The following RASGRP1 variants were observed in gnomAD, a reference collection of about 807,000 sequenced individuals.
RASGRP1 encodes the protein RAS guanyl releasing protein 1.
In RASGRP1, 37 loss-of-function variants were observed where a neutral mutation model predicts 95.1. The ratio of observed to expected loss-of-function variants is 0.39; its 90% CI spans 0.30 to 0.51. The LOEUF (loss-of-function observed/expected upper bound fraction) is 0.51. RASGRP1 is among the 20% of genes least tolerant of loss of function. The pLI, the probability that RASGRP1 is intolerant of heterozygous loss-of-function variation, is 0.80. For missense variants in RASGRP1, 711 were observed against 965.4 expected, an observed-to-expected ratio of 0.74 and a Z score of 3.49; for synonymous variants, 325 against 353.4, an observed-to-expected ratio of 0.92 and a Z score of 0.90.
chr15:38,558,032 TGGAA>T (rs1181770379), intron 2 of RASGRP1, among the ~76,000 whole-genome samples: 1 of 152,110 alleles, frequency 6.6e-6, no homozygotes, highest in African/African-American at 2.4e-5. Context: ...ACAACAGGTA[TGGAA>T]GGAAGGAAGG....
intron 16 of RASGRP1, among the ~76,000 whole-genome samples, chr15:38,491,398 T>C (rs1185640132): frequency 2.6e-5 from 4 of 152,296 alleles, no homozygotes; most frequent in African/African-American, 9.6e-5. Flanking sequence ...GCCTGCGCTG[T>C]GTGACATAAT....
intron 9 of RASGRP1, among the ~76,000 whole-genome samples, chr15:38,507,186 G>A (rs1891293615): frequency 6.6e-6 from 1 of 152,172 alleles, no homozygotes; most frequent in African/African-American, 2.4e-5. Flanking sequence ...AGGTCTGGAA[G>A]GGAGTTCATC....
chr15:38,539,548 GTTTTT>G (rs5812044), intron 2 of RASGRP1, among the ~76,000 whole-genome samples: 1 of 148,482 alleles, frequency 6.7e-6, no homozygotes, highest in Admixed American at 6.7e-5. Flanking sequence ...CTGCATTGCC[GTTTTT>G]TTTTTTGTTT....
rs148442175 is a variant in RASGRP1, at chr15:38,526,027, T to A, written c.326+272A>T. The stretch of plus-strand genomic sequence containing the variant: ...TTTTGCACACTCTACAGAAAAAATA[T>A]TTTTTACTATTAAGAGCCTGAAGAT... On this transcript the variant is annotated intron_variant, in intron 3 of 16. Transcript: ENST00000310803. 3.9e-5 allele frequency among the ~76,000 whole-genome samples: 6 copies of A among 152,228 alleles called. No individual in the cohort carries two copies. In the East Asian group the frequency reaches 1.2e-3, roughly 29 times the overall value.
rs1891328170 is a variant in RASGRP1, at chr15:38,507,923, C to CG, written c.1044dup (p.Asp349ArgfsTer19). On this transcript the variant is annotated frameshift_variant, in exon 9 of 17. Transcript: ENST00000310803. LOFTEE classifies it high-confidence loss of function. ...ACACCCAGAATGGGGATCTTGAAGTCGGTGCACTCTCCATAGGCTCGCCGG... is the reference window on the plus strand; with the variant it reads ...ACACCCAGAATGGGGATCTTGAAGTCGGGTGCACTCTCCATAGGCTCGCCGG... 1 of 1,612,986 alleles carries CG rather than the reference C, an allele frequency of 6.2e-7. No homozygotes were observed. Among genetic ancestry groups the CG allele is most frequent in the African/African-American group, 1.3e-5 (1 of 74,882 alleles).
rs1358520612 is a variant in RASGRP1 at position 38,488,799 on chromosome 15, C to T, written c.*1755G>A. The T allele has an allele frequency of 1.3e-5, 2 of 152,016 alleles. No homozygotes were observed. The highest frequency in any genetic ancestry group is 2.4e-5 in the African/African-American group (1 of 41,442). 9.4% of individuals were successfully genotyped at this position (152,016 alleles called of 1,614,324 possible). A position where few individuals can be genotyped will look rare whatever the true frequency, so the allele number is the denominator to read the frequency against. Reference sequence around the variant, plus strand: ...TGAATTTTTAGAGTTTGTCCTAACTCATGCTTGTCCTATTAAAAAGAAAGT... The same window carrying T: ...TGAATTTTTAGAGTTTGTCCTAACTTATGCTTGTCCTATTAAAAAGAAAGT... On this transcript the variant is annotated 3_prime_UTR_variant, in exon 17 of 17. Coordinates refer to ENST00000310803, the MANE Select transcript of RASGRP1 (RefSeq NM_005739.4).
intron 2 of RASGRP1, among the ~76,000 whole-genome samples, chr15:38,557,344 G>A (rs1893604344): frequency 6.6e-6 from 1 of 152,202 alleles, no homozygotes; most frequent in South Asian, 2.1e-4. Flanking sequence ...TCCAGACACA[G>A]AGCGTCTTTT....
intron 8 of RASGRP1, among the ~76,000 whole-genome samples, chr15:38,510,973 A>T (rs1203884337): frequency 6.6e-6 from 1 of 152,218 alleles, no homozygotes; most frequent in African/African-American, 2.4e-5. Context: ...TATAAAAAAG[A>T]GAAACAAGCA....
chr15:38,492,920 G>A lies in RASGRP1; in HGVS notation c.2259+1462C>T, dbSNP rs535214675. On this transcript the variant is annotated intron_variant, in intron 16 of 16. Transcript: ENST00000310803. ...TTTTGAGTTGGAGTCTCACTCAGTCGCCCAGGCTGGAGTGCAGTGGTGCCA... is the reference window on the plus strand; with the variant it reads ...TTTTGAGTTGGAGTCTCACTCAGTCACCCAGGCTGGAGTGCAGTGGTGCCA... 6.1e-5 allele frequency among the ~76,000 whole-genome samples: 9 copies of A among 148,114 alleles called. No homozygotes were observed. In the East Asian group the frequency reaches 8.0e-4, roughly 13 times the overall value.
At chr15:38,528,312 T>C (rs1444490155) in intron 2 of RASGRP1, among the ~76,000 whole-genome samples, 1 of 152,212 alleles carries the variant, frequency 6.6e-6, no homozygotes, top group Non-Finnish European at 1.5e-5. Flanking sequence ...TTCCCATTTT[T>C]AGCAAAACCT....
chr15:38,493,177 GC>G (rs1340651464), intron 16 of RASGRP1, among the ~76,000 whole-genome samples: 1 of 131,946 alleles, frequency 7.6e-6, no homozygotes, highest in Non-Finnish European at 1.6e-5. Context: ...ACCACGCCGG[GC>G]CTTTTTTTTT....
intron 3 of RASGRP1, among the ~76,000 whole-genome samples, chr15:38,520,089 G>GA (rs1476875256): frequency 6.6e-6 from 1 of 152,162 alleles, no homozygotes; most frequent in African/African-American, 2.4e-5. Context: ...AAGATAAATG[G>GA]AAAAAAATAT....
rs200227355 is a variant in RASGRP1, at chr15:38,503,289, C to T, written c.1411G>A (p.Val471Ile). 50 of 1,609,722 alleles carry T rather than the reference C, an allele frequency of 3.1e-5. No individual in the cohort carries two copies. The highest frequency in any genetic ancestry group is 4.1e-5 in the Non-Finnish European group (48 of 1,176,878). Residue 471 changes from valine (V) to isoleucine (I), a missense_variant, in exon 11 of 17, where the codon GTC becomes ATC. Physicochemically the swap from Val to Ile is conservative, Grantham distance 29. Around this residue, in one of 3 missense-constraint regions of RASGRP1, gnomAD observed 491 missense variants for 676.6 expected, o/e 0.73. Coordinates refer to ENST00000310803, the MANE Select transcript of RASGRP1 (RefSeq NM_005739.4). ...GTACTTACATCCACCATCCTCTGGA[C>T]GTGTTTGCTAATGGTTTTTGGATCA... Reference protein sequence around the residue: ...KPDPKTISKHVQRMVDSVFKN... With the variant: ...KPDPKTISKHIQRMVDSVFKN...
At chr15:38,525,403 A>T (rs1892177833) in intron 3 of RASGRP1, among the ~76,000 whole-genome samples, 1 of 152,194 alleles carries the variant, frequency 6.6e-6, no homozygotes, top group African/African-American at 2.4e-5. Flanking sequence ...TGATGGTTTA[A>T]AATTCTCTGC....
At chr15:38,564,489 C>T in intron 1 of RASGRP1, 105 bp downstream of exon 1, 2 of 1,146,106 alleles carry the variant, frequency 1.7e-6, no homozygotes, top group South Asian at 7.6e-5. Flanking sequence ...GACCCCGGCC[C>T]CCCTCCGCCC....
At chr15:38,514,408 AC>A (rs559279371) in intron 6 of RASGRP1, among the ~76,000 whole-genome samples, 19 of 152,002 alleles carry the variant, frequency 1.2e-4, no homozygotes, top group Admixed American at 2.0e-4. Flanking sequence ...TACATTTAAT[AC>A]CCCCCTCCCA....
chr15:38,564,604 C>T lies in RASGRP1; in HGVS notation c.25G>A (p.Glu9Lys), dbSNP rs1302951133. 1.4e-6 allele frequency: 2 copies of T among 1,381,624 alleles called. No homozygotes were observed. Among genetic ancestry groups the T allele is most frequent in the Non-Finnish European group, 1.9e-6 (2 of 1,055,910 alleles). The allele number at this position is 1,381,624 out of a possible 1,614,324, so 85.6% of individuals were successfully genotyped here. The stretch of plus-strand genomic sequence containing the variant: ...GCCGCCTCTACTCACCGCGGAGCCT[C>T]TCTCGCCTTGCCCAGGGTGCCCATG... MGTLGKAR[E>K]APRKPSHGCR... is the part of the protein sequence containing the mutation. Residue 9 changes from glutamate (E) to lysine (K), a missense_variant, in exon 1 of 17, where the codon GAG becomes AAG. By Grantham distance (56) the Glu-to-Lys change is moderately conservative. This residue lies in a region of RASGRP1 where 491 missense variants were observed against 676.6 expected (regional missense o/e 0.73). Coordinates refer to ENST00000310803, the MANE Select transcript of RASGRP1 (RefSeq NM_005739.4).
chr15:38,505,353 A>G (rs1041649593), intron 10 of RASGRP1, among the ~76,000 whole-genome samples: 1 of 152,216 alleles, frequency 6.6e-6, no homozygotes, highest in Non-Finnish European at 1.5e-5. Flanking sequence ...CCAGAACATT[A>G]CAGGAAAATG....
intron 2 of RASGRP1, among the ~76,000 whole-genome samples, chr15:38,552,567 T>C (rs1044977858): frequency 4.6e-5 from 7 of 152,214 alleles, no homozygotes; most frequent in Admixed American, 2.0e-4. Context: ...AAAAGATGCA[T>C]GCTAGCATAC....
Sources: allele counts gnomAD v4.1 joint callset (sites outside exome capture counted in the v4.1 genomes callset), GRCh38; gene constraint gnomAD v4.1.1; regional missense constraint gnomAD v4.1.1; transcripts MANE v1.5; gene names NCBI Gene and HGNC (gene_info 2026-07-23, HGNC 2026-07-21).